Variants in FARS2 observed in about 807,000 individuals in gnomAD.
The protein encoded by FARS2 is phenylalanine--tRNA ligase, mitochondrial.
Under a neutral mutation model 46.4 loss-of-function variants are expected in FARS2, and 40 were observed. That is an observed-to-expected ratio of 0.86 (90% confidence interval 0.67 to 1.12). The LOEUF (loss-of-function observed/expected upper bound fraction) is 1.12, where lower values mean the gene tolerates loss of function less well. FARS2 is among the 50% of genes most tolerant of loss of function. The probability of loss-of-function intolerance (pLI) is 0.00; values close to 1 mark genes in which losing one functional copy is unlikely to be tolerated. For synonymous variants in FARS2, 234 were observed against 214.9 expected, an observed-to-expected ratio of 1.09 and a Z score of -0.78; for missense variants, 513 against 567.9, an observed-to-expected ratio of 0.90 and a Z score of 0.98.
At chr6:5,260,152 A>G (rs7771066), upstream of FARS2, among the ~76,000 whole-genome samples, 561 of 152,158 alleles carry the variant, frequency 3.7e-3, 5 homozygotes, top group African/African-American at 0.011. Flanking sequence ...AATAGAATGG[A>G]TTCTTGCAAC....
chr6:5,355,517 C>T (rs1246975541), intron 1 of FARS2, among the ~76,000 whole-genome samples: 1 of 151,702 alleles, frequency 6.6e-6, no homozygotes, highest in African/African-American at 2.4e-5. Flanking sequence ...CCACCATGCC[C>T]GGCTAATTTT....
At chr6:5,624,909 G>A (rs1423942881) in intron 6 of FARS2, among the ~76,000 whole-genome samples, 27 of 149,486 alleles carry the variant, frequency 1.8e-4, no homozygotes, top group Non-Finnish European at 3.0e-5. Flanking sequence ...CCGTTCACAA[G>A]ATCACTTCTT....
chr6:5,539,384 G>GTGTATATATATATATATATAAATATA, intron 4 of FARS2, among the ~76,000 whole-genome samples: 1 of 79,582 alleles, frequency 1.3e-5, no homozygotes, highest in Non-Finnish European at 2.8e-5. Context: ...TTTTTTTTGT[G>GTGTATATATATATATATATAAATATA]TATATATATA....
At chr6:5,707,030 C>T (rs1490826216) in intron 6 of FARS2, among the ~76,000 whole-genome samples, 1 of 152,226 alleles carries the variant, frequency 6.6e-6, no homozygotes, top group Non-Finnish European at 1.5e-5. Flanking sequence ...ACGATCAGCA[C>T]AGAACCTGTA....
rs70975905 is a variant in FARS2, at chr6:5,407,066, T to TATATATATATATATAA, written c.772+2366_772+2367insTATATATATATATAAA. On this transcript the variant is annotated intron_variant, in intron 3 of 6. Coordinates refer to ENST00000274680, the MANE Select transcript of FARS2 (RefSeq NM_006567.5). ...AATTATATATATATATATATATATA[T>TATATATATATATATAA]AATGACCAATAAATATATGAAAAGA... is the stretch of plus-strand genomic sequence containing the variant. Among the ~76,000 whole-genome samples, 1,040 of 109,378 alleles carry TATATATATATATATAA rather than the reference T, an allele frequency of 9.5e-3. 54 individuals are homozygous for TATATATATATATATAA. The highest frequency in any genetic ancestry group is 0.018 in the South Asian group (49 of 2,732). 71.8% of individuals were successfully genotyped at this position (109,378 alleles called of 152,430 possible).
At chr6:5,258,553 G>T (rs1213705745), upstream of FARS2, among the ~76,000 whole-genome samples, 1 of 152,244 alleles carries the variant, frequency 6.6e-6, no homozygotes, top group African/African-American at 2.4e-5. Flanking sequence ...AGAGATTAGA[G>T]AGGAGGGAAG....
chr6:5,408,377 T>C (rs568146030), intron 3 of FARS2, among the ~76,000 whole-genome samples: 4 of 151,902 alleles, frequency 2.6e-5, no homozygotes, highest in African/African-American at 4.8e-5. Flanking sequence ...ACAAAGCAGG[T>C]GACACAAGTA....
intron 1 of FARS2, among the ~76,000 whole-genome samples, chr6:5,280,213 G>A (rs1306241407): frequency 6.6e-6 from 1 of 152,164 alleles, no homozygotes; most frequent in Non-Finnish European, 1.5e-5. Context: ...AATGGAAACT[G>A]TTCAACCTAT....
chr6:5,393,759 C>T (rs934448249), intron 2 of FARS2, among the ~76,000 whole-genome samples: 1 of 152,212 alleles, frequency 6.6e-6, no homozygotes, highest in Non-Finnish European at 1.5e-5. Context: ...TGGAGAAAGG[C>T]ACCCTTTTCC....
rs550555859 is a variant in FARS2 at position 5,269,364 on chromosome 6, G to A, written c.-22+7704G>A. ...GGGGTTGGGGGAGGGGGGAGGGATA[G>A]CATTAGGAGATATACCTAATGCCAG... On this transcript the variant is annotated intron_variant, in intron 1 of 6. Transcript: ENST00000274680. Among the ~76,000 whole-genome samples, 337 of 151,110 alleles carry A rather than the reference G, an allele frequency of 2.2e-3. 5 individuals carry two copies. The highest frequency in any genetic ancestry group is 3.4e-3 in the Middle Eastern group (1 of 290).
intron 1 of FARS2, among the ~76,000 whole-genome samples, chr6:5,332,145 A>G (rs1221511308): frequency 6.6e-6 from 1 of 152,220 alleles, no homozygotes; most frequent in Non-Finnish European, 1.5e-5. Context: ...GCTGAGATTC[A>G]GACCCAGGAC....
At chr6:5,483,523 C>T (rs941676599) in intron 4 of FARS2, among the ~76,000 whole-genome samples, 3 of 152,110 alleles carry the variant, frequency 2.0e-5, no homozygotes, top group Middle Eastern at 3.4e-3. Context: ...AAAAATTAAC[C>T]AAGCTTGATT....
At chr6:5,692,809 T>C (rs1040955105) in intron 6 of FARS2, among the ~76,000 whole-genome samples, 35 of 152,204 alleles carry the variant, frequency 2.3e-4, no homozygotes, top group Non-Finnish European at 7.3e-5. Context: ...TATATCCTTG[T>C]ATGTTGGTCA....
At chr6:5,260,741 A>AG (rs1765035658), upstream of FARS2, 12 of 1,545,176 alleles carry the variant, frequency 7.8e-6, no homozygotes, top group South Asian at 1.2e-5. Context: ...CATTTTGGAA[A>AG]GAAAAAAAAA....
At chr6:5,717,927 T>TAGAGAGAGAGAGAGAGAG (rs1410102835) in intron 6 of FARS2, among the ~76,000 whole-genome samples, 15,016 of 73,822 alleles carry the variant, frequency 0.2, 1,163 homozygotes, top group Middle Eastern at 0.27. Context: ...TATATATATA[T>TAGAGAGAGAGAGAGAGAG]ATATATATAC....
chr6:5,674,947 G>A (rs1778681996), intron 6 of FARS2, among the ~76,000 whole-genome samples: 3 of 152,200 alleles, frequency 2.0e-5, no homozygotes, highest in Non-Finnish European at 2.9e-5. Context: ...GAAGTGGTCA[G>A]TGGCCAGGCT....
chr6:5,759,587 G>A (rs1353568265), intron 6 of FARS2, among the ~76,000 whole-genome samples: 1 of 152,170 alleles, frequency 6.6e-6, no homozygotes, highest in Non-Finnish European at 1.5e-5. Flanking sequence ...CATCATATGT[G>A]CTGCTTCCAG....
At chr6:5,360,589 A>G (rs1758234989) in intron 1 of FARS2, among the ~76,000 whole-genome samples, 1 of 152,176 alleles carries the variant, frequency 6.6e-6, no homozygotes, top group Admixed American at 6.5e-5. Context: ...TCTTCTGTGC[A>G]TCCAAGCTGG....
chr6:5,725,473 C>T (rs1456452484), intron 6 of FARS2, among the ~76,000 whole-genome samples: 1 of 152,180 alleles, frequency 6.6e-6, no homozygotes, highest in Non-Finnish European at 1.5e-5. Flanking sequence ...CCTGGCTGCC[C>T]GGGCTCCAGT....
Sources: allele counts gnomAD v4.1 joint callset (sites outside exome capture counted in the v4.1 genomes callset), GRCh38; gene constraint gnomAD v4.1.1; transcripts MANE v1.5; gene names NCBI Gene and HGNC (gene_info 2026-07-23, HGNC 2026-07-21).